The following FAF2 variants were observed in gnomAD, a reference collection of about 807,000 sequenced individuals.
The protein encoded by FAF2 is FAS-associated factor 2.
Under a neutral mutation model 62.3 loss-of-function variants are expected in FAF2, and 9 were observed. The observed-to-expected ratio is 0.14, with a 90% confidence interval of 0.09 to 0.25. FAF2 has a LOEUF of 0.25. Ranked by LOEUF, FAF2 falls within the 10% of genes least tolerant of loss-of-function variation. The pLI is 1.00. For missense variants in FAF2, 368 were observed against 556.2 expected, an observed-to-expected ratio of 0.66 and a Z score of 3.40; for synonymous variants, 202 against 198.0, an observed-to-expected ratio of 1.02 and a Z score of -0.17.
intron 8 of FAF2, among the ~76,000 whole-genome samples, chr5:176,497,333 A>G (rs1207534199): frequency 6.6e-6 from 1 of 152,234 alleles, no homozygotes; most frequent in Non-Finnish European, 1.5e-5. Flanking sequence ...AACCACAAAA[A>G]AGCACAAGGA....
At chr5:176,467,546 G>T (rs1439986337) in intron 1 of FAF2, among the ~76,000 whole-genome samples, 1 of 152,150 alleles carries the variant, frequency 6.6e-6, no homozygotes, top group Non-Finnish European at 1.5e-5. Flanking sequence ...TGGCCAGGCT[G>T]GTCTCAAATT....
At chr5:176,473,688 T>C (rs1350681746) in intron 1 of FAF2, among the ~76,000 whole-genome samples, 1 of 152,270 alleles carries the variant, frequency 6.6e-6, no homozygotes, top group Non-Finnish European at 1.5e-5. Context: ...TTCAGCCATG[T>C]ATTTATATCA....
In FAF2 at chr5:176,475,137, G is replaced by GTTATTA. The variant is rs146620409; in HGVS notation, c.64-4039_64-4034dup. ...CAATGTTTATAACCATTTATTTAAGGTTATTATTATTATTATTGAGATGAG... is the reference window on the plus strand; with the variant it reads ...CAATGTTTATAACCATTTATTTAAGGTTATTATTATTATTATTATTATTGAGATGAG... On this transcript the variant is annotated intron_variant, in intron 1 of 10. Transcript: ENST00000261942. 3.3e-5 allele frequency among the ~76,000 whole-genome samples: 5 copies of GTTATTA among 151,670 alleles called. No homozygotes were observed. The South Asian group carries it at 6.3e-4, about 19-fold the overall frequency.
intron 1 of FAF2, among the ~76,000 whole-genome samples, chr5:176,472,922 A>G (rs192251465): frequency 1.3e-5 from 2 of 152,084 alleles, no homozygotes; most frequent in East Asian, 3.9e-4. Context: ...TCCCTCCTTC[A>G]AGTTTTGTTT....
At chr5:176,487,094 A>G (rs1003532942) in intron 3 of FAF2, among the ~76,000 whole-genome samples, 5 of 152,184 alleles carry the variant, frequency 3.3e-5, no homozygotes, top group African/African-American at 7.2e-5. Flanking sequence ...TTATACTTGC[A>G]TTTAGAATCC....
intron 1 of FAF2, among the ~76,000 whole-genome samples, chr5:176,459,603 A>G (rs556136679): frequency 6.6e-6 from 1 of 152,200 alleles, no homozygotes; most frequent in East Asian, 1.9e-4. Context: ...GGAGGTCTGT[A>G]TTAGGAACTT....
At chr5:176,462,241 A>G (rs1309289965) in intron 1 of FAF2, among the ~76,000 whole-genome samples, 1 of 152,088 alleles carries the variant, frequency 6.6e-6, no homozygotes, top group African/African-American at 2.4e-5. Context: ...GCAACATTGC[A>G]CTCCAGCCTG....
At chr5:176,483,902 C>T (rs1424160799) in intron 2 of FAF2, among the ~76,000 whole-genome samples, 1 of 151,944 alleles carries the variant, frequency 6.6e-6, no homozygotes, top group East Asian at 1.9e-4. Flanking sequence ...TCGTGAAACC[C>T]CATCGCTACT....
chr5:176,489,771 T>C (rs1463624780), intron 4 of FAF2, among the ~76,000 whole-genome samples: 2 of 152,158 alleles, frequency 1.3e-5, no homozygotes, highest in Non-Finnish European at 2.9e-5. Context: ...GATCTTGAGC[T>C]CCCGGCCTCA....
At chr5:176,473,512 C>G (rs970732991) in intron 1 of FAF2, among the ~76,000 whole-genome samples, 1 of 152,182 alleles carries the variant, frequency 6.6e-6, no homozygotes, top group Non-Finnish European at 1.5e-5. Flanking sequence ...TCCCCCTGCC[C>G]TGTTTCCGTT....
intron 4 of FAF2, among the ~76,000 whole-genome samples, chr5:176,491,058 T>A (rs1198303212): frequency 6.6e-6 from 1 of 152,184 alleles, no homozygotes; most frequent in Non-Finnish European, 1.5e-5. Context: ...CAGGGGGAAT[T>A]TGTTGGGATA....
At chr5:176,476,256 C>A (rs1371369261) in intron 1 of FAF2, among the ~76,000 whole-genome samples, 1 of 151,958 alleles carries the variant, frequency 6.6e-6, no homozygotes, top group East Asian at 1.9e-4. Context: ...CCAGACAGAA[C>A]CTGTCTTAAA....
At chr5:176,462,225 G>A (rs1463100347) in intron 1 of FAF2, among the ~76,000 whole-genome samples, 1 of 152,086 alleles carries the variant, frequency 6.6e-6, no homozygotes, top group East Asian at 1.9e-4. Context: ...GCAATGAGCC[G>A]AGATCGCAAC....
In FAF2 at chr5:176,507,709, A is replaced by G. The variant is rs981583440; in HGVS notation, c.*759A>G. ...GGTCCAACTCTTGCTGTCCTTTCTT[A>G]CCACCTGTGCACCCCACTTGGAGCA... On this transcript the variant is annotated 3_prime_UTR_variant, in exon 11 of 11. Transcript: ENST00000261942. 3 of 153,058 alleles carry G rather than the reference A, an allele frequency of 2.0e-5. No homozygotes were observed. Among genetic ancestry groups the G allele is most frequent in the Non-Finnish European group, 4.4e-5 (3 of 68,588 alleles). The allele number at this position is 153,058 out of a possible 1,614,324, so 9.5% of individuals were successfully genotyped here. A position where few individuals can be genotyped will look rare whatever the true frequency, so the allele number is the denominator to read the frequency against.
chr5:176,469,841 G>T lies in FAF2; in HGVS notation c.64-9347G>T, dbSNP rs151218551. Among the ~76,000 whole-genome samples the T allele has an allele frequency of 7.3e-3, 1,112 of 152,254 alleles. 3 individuals carry two copies. Among genetic ancestry groups the T allele is most frequent in the Non-Finnish European group, 0.011 (758 of 68,028 alleles). On this transcript the variant is annotated intron_variant, in intron 1 of 10. Transcript: ENST00000261942. ...ATGAAGAGTGTATTAAGTTTATGAAGAGTTTGAAGGGAGTATTTCGTAAAA... is the reference window on the plus strand; with the variant it reads ...ATGAAGAGTGTATTAAGTTTATGAATAGTTTGAAGGGAGTATTTCGTAAAA...
rs200883974 is a variant in FAF2 at position 176,479,269 on chromosome 5, G to C, written c.132+13G>C. 1 of 1,603,686 alleles carries C rather than the reference G, an allele frequency of 6.2e-7. No homozygotes were observed. The highest frequency in any genetic ancestry group is 8.5e-7 in the Non-Finnish European group (1 of 1,170,598). On this transcript the variant is annotated intron_variant, in intron 2 of 10. Transcript: ENST00000261942. ...CTGGAACATAGAGGTATAATAGGATGTGTTCTGAGCTTATTTCTTTTTCTC... is the reference window on the plus strand; with the variant it reads ...CTGGAACATAGAGGTATAATAGGATCTGTTCTGAGCTTATTTCTTTTTCTC...
intron 1 of FAF2, among the ~76,000 whole-genome samples, chr5:176,464,487 CTTTTT>C (rs142550204): frequency 1.9e-4 from 15 of 79,984 alleles, no homozygotes; most frequent in Admixed American, 4.5e-4. Flanking sequence ...CAAGCTGATT[CTTTTT>C]TTTTTTTTTT....
At position 176,461,769 on chromosome 5, in the gene FAF2, A is replaced by C. The variant is rs368533026; in HGVS notation, c.63+13299A>C. Among the ~76,000 whole-genome samples the C allele has an allele frequency of 3.7e-4, 56 of 152,030 alleles. No individual in the cohort carries two copies. In the East Asian group the frequency reaches 7.6e-3, roughly 21 times the overall value. On this transcript the variant is annotated intron_variant, in intron 1 of 10. Coordinates refer to ENST00000261942, the MANE Select transcript of FAF2 (RefSeq NM_014613.3). Reference sequence around the variant, plus strand: ...CATTTTGTCTGTTTACTCTGTTGATAGTTTCTTTTACTGTGTAGAAGCTCT... The same window carrying C: ...CATTTTGTCTGTTTACTCTGTTGATCGTTTCTTTTACTGTGTAGAAGCTCT...
In FAF2 at chr5:176,494,862, T is replaced by G. The variant is rs1204863241; in HGVS notation, c.661+587T>G. Among the ~76,000 whole-genome samples the G allele has an allele frequency of 1.3e-5, 2 of 152,208 alleles. No homozygotes were observed. Among genetic ancestry groups the G allele is most frequent in the African/African-American group, 4.8e-5 (2 of 41,446 alleles). On this transcript the variant is annotated intron_variant, in intron 7 of 10. Coordinates refer to ENST00000261942, the MANE Select transcript of FAF2 (RefSeq NM_014613.3). This position sits in a 1 kb window ranked among gnomAD's most constrained non-coding sequence, Gnocchi z 4.0. ...GTGCCCCGCCATAATTAGCAAGTTGTAGCGTACAGTCGGGTCTGCCAGATT... is the reference window on the plus strand; with the variant it reads ...GTGCCCCGCCATAATTAGCAAGTTGGAGCGTACAGTCGGGTCTGCCAGATT...
Sources: allele counts gnomAD v4.1 joint callset (sites outside exome capture counted in the v4.1 genomes callset), GRCh38; gene constraint gnomAD v4.1.1; non-coding constraint Gnocchi (gnomAD v3.1); transcripts MANE v1.5; gene names NCBI Gene and HGNC (gene_info 2026-07-23, HGNC 2026-07-21).